The following WSCD1 variants were observed in gnomAD, a reference collection of about 807,000 sequenced individuals.
WSCD1 encodes WSC domain sialate O sulfotransferase 1, also known as sialate:O-sulfotransferase 1.
A neutral mutation model predicts 60.4 loss-of-function variants in WSCD1; 41 were observed. The ratio of observed to expected loss-of-function variants is 0.68; its 90% CI spans 0.53 to 0.88. The LOEUF (loss-of-function observed/expected upper bound fraction) is 0.88. WSCD1 is among the 40% of genes least tolerant of loss of function. The pLI is 0.00. For synonymous variants in WSCD1, 361 were observed against 332.5 expected (o/e 1.09, Z -0.93); for missense variants, 784 against 796.2 (o/e 0.98, Z 0.18).
At chr17:6,076,065 C>G (rs1908842791) in intron 1 of WSCD1, among the ~76,000 whole-genome samples, 1 of 152,168 alleles carries the variant, frequency 6.6e-6, no homozygotes, top group Admixed American at 6.5e-5. Flanking sequence ...ATAAATCTTG[C>G]CTCGTGTGAA....
At chr17:6,116,746 T>G (rs909616089) in intron 7 of WSCD1, among the ~76,000 whole-genome samples, 2 of 152,264 alleles carry the variant, frequency 1.3e-5, no homozygotes. Context: ...AGACTTGCAT[T>G]TTCCAGGCAT....
chr17:6,114,484 A>C (rs893669250), intron 7 of WSCD1, among the ~76,000 whole-genome samples: 2 of 152,166 alleles, frequency 1.3e-5, no homozygotes, highest in African/African-American at 4.8e-5. Context: ...GTTTTCAAGT[A>C]GCCAGAACAG....
At chr17:6,103,130 C>T (rs552519241) in intron 5 of WSCD1, among the ~76,000 whole-genome samples, 1 of 152,302 alleles carries the variant, frequency 6.6e-6, no homozygotes, top group African/African-American at 2.4e-5. Flanking sequence ...TAACACAGAG[C>T]CTTAGTTTTC....
At chr17:6,104,500 C>T (rs796466801) in intron 5 of WSCD1, among the ~76,000 whole-genome samples, 7 of 152,352 alleles carry the variant, frequency 4.6e-5, no homozygotes, top group African/African-American at 1.7e-4. Flanking sequence ...CCACTCCCAG[C>T]ATCTGCCTCT....
chr17:6,080,928 C>A lies in WSCD1; in HGVS notation c.270C>A (p.Ser90Arg). Residue 90 changes from serine (S) to arginine (R), a missense_variant, in exon 2 of 9, where the codon AGC (serine) becomes AGA (arginine). Physicochemically the swap from Ser to Arg is moderately radical, Grantham distance 110 (BLOSUM62 -1). Coordinates refer to ENST00000317744, the MANE Select transcript of WSCD1 (RefSeq NM_015253.2). The surrounding 1 kb of genome is among the most constrained non-coding windows in gnomAD (Gnocchi z 6.6). ...TGCTGGGTGTGGACATGCTGCAGAG[C>A]CCCCTGACCCGGCCCCGGCCCGGCC... ...ELLLGVDMLQ[S>R]PLTRPRPGPR... The A allele has an allele frequency of 6.3e-7, 1 of 1,585,604 alleles. No homozygotes were observed. The highest frequency in any genetic ancestry group is 1.1e-5 in the South Asian group (1 of 87,836).
chr17:6,100,609 G>A (rs1333989483), intron 5 of WSCD1, among the ~76,000 whole-genome samples: 1 of 152,202 alleles, frequency 6.6e-6, no homozygotes, highest in Non-Finnish European at 1.5e-5. Context: ...CTCTAGAGCA[G>A]GGGTTCACAG....
chr17:6,087,996 AC>A lies in WSCD1; in HGVS notation c.435del (p.Tyr145Ter), dbSNP rs760851073. On this transcript the variant is annotated frameshift_variant, in exon 3 of 9. Transcript: ENST00000317744. LOFTEE classifies it high-confidence loss of function. ...CATGCTTCCCTTTCTGCAGGCACCT[AC>A]ATTGGATGCTTCAGTGACGATGGCC... ...ARPAIHSRGTYIGCFSDDGHE... is the reference protein window; with the variant it reads ...ARPAIHSRGTXIGCFSDDGHE... The A allele has an allele frequency of 6.2e-7, 1 of 1,613,536 alleles. No homozygotes were observed. Among genetic ancestry groups the A allele is most frequent in the South Asian group, 1.1e-5 (1 of 91,074 alleles).
At chr17:6,084,249 G>A (rs1384111334) in intron 2 of WSCD1, among the ~76,000 whole-genome samples, 1 of 152,242 alleles carries the variant, frequency 6.6e-6, no homozygotes, top group Admixed American at 6.5e-5. Flanking sequence ...GGAAGAATTT[G>A]CTCTCCTTTG....
At chr17:6,095,778 A>G (rs1910384908) in intron 5 of WSCD1, among the ~76,000 whole-genome samples, 1 of 152,178 alleles carries the variant, frequency 6.6e-6, no homozygotes, top group Non-Finnish European at 1.5e-5. Flanking sequence ...GTGGCTTGCA[A>G]AAAGCAGGGC....
intron 1 of WSCD1, among the ~76,000 whole-genome samples, chr17:6,076,494 C>T (rs891034620): frequency 2.0e-5 from 3 of 152,162 alleles, no homozygotes; most frequent in Non-Finnish European, 2.9e-5. Context: ...ACTACAGGCC[C>T]GTCCTCCGGC....
chr17:6,082,871 G>A (rs140522196), intron 2 of WSCD1, among the ~76,000 whole-genome samples: 25 of 152,282 alleles, frequency 1.6e-4, no homozygotes, highest in South Asian at 4.1e-4. Context: ...GGAAGAGAAC[G>A]GAGCCCAAGC....
intron 1 of WSCD1, among the ~76,000 whole-genome samples, chr17:6,073,792 A>T (rs1442267184): frequency 6.6e-6 from 1 of 152,262 alleles, no homozygotes; most frequent in African/African-American, 2.4e-5. Context: ...AGCCTCCAGC[A>T]TGGTGCTTGG....
chr17:6,117,011 A>G (rs923217332), intron 7 of WSCD1, among the ~76,000 whole-genome samples: 3 of 152,220 alleles, frequency 2.0e-5, no homozygotes, highest in African/African-American at 7.2e-5. Flanking sequence ...ATAAGCCCCT[A>G]TAGCCTGCAC....
chr17:6,077,510 C>T (rs1908944053), intron 1 of WSCD1, among the ~76,000 whole-genome samples: 1 of 152,186 alleles, frequency 6.6e-6, no homozygotes, highest in South Asian at 2.1e-4. Flanking sequence ...ATCTGGCCTG[C>T]ACGTGGCTGT....
chr17:6,095,268 G>A (rs747836606), intron 5 of WSCD1, 45 bp downstream of exon 5: 1 of 1,584,548 alleles, frequency 6.3e-7, no homozygotes, highest in Non-Finnish European at 8.6e-7. Flanking sequence ...TTAAGTGTGT[G>A]TGGTGGTCCT....
At chr17:6,116,533 A>G (rs1350652323) in intron 7 of WSCD1, among the ~76,000 whole-genome samples, 1 of 152,236 alleles carries the variant, frequency 6.6e-6, no homozygotes, top group Non-Finnish European at 1.5e-5. Flanking sequence ...CGGAGGCAGT[A>G]TGGAAGGCAC....
intron 7 of WSCD1, among the ~76,000 whole-genome samples, chr17:6,117,082 G>T (rs1372383873): frequency 6.6e-6 from 1 of 152,146 alleles, no homozygotes; most frequent in African/African-American, 2.4e-5. Context: ...TTAACCCTCT[G>T]TCCCCAAAAT....
In WSCD1 at chr17:6,070,443, C is replaced by G. The variant is rs992363212; in HGVS notation, c.-498C>G. The G allele has an allele frequency of 1.4e-5, 2 of 147,198 alleles. No individual in the cohort carries two copies. The highest frequency in any genetic ancestry group is 4.9e-5 in the African/African-American group (2 of 40,862). 9.1% of individuals were successfully genotyped at this position (147,198 alleles called of 1,614,324 possible). On this transcript the variant is annotated 5_prime_UTR_variant, in exon 1 of 9. Coordinates refer to ENST00000317744, the MANE Select transcript of WSCD1 (RefSeq NM_015253.2). The stretch of plus-strand genomic sequence containing the variant: ...CGGCTCCGCGCCCGCCCGCCCGCCC[C>G]GCCGTTCAGCCCGGACGCCAGCAGC...
intron 5 of WSCD1, among the ~76,000 whole-genome samples, chr17:6,102,330 G>T (rs1322951266): frequency 1.3e-5 from 2 of 152,206 alleles, no homozygotes; most frequent in Non-Finnish European, 2.9e-5. Context: ...TCTCCATGGG[G>T]CACCCAAGTT....
Sources: gnomAD v4.1 joint callset for allele counts (sites outside exome capture counted in the v4.1 genomes callset) on GRCh38, gnomAD v4.1.1 for gene constraint, Gnocchi (gnomAD v3.1) non-coding constraint, MANE v1.5 for transcripts, NCBI Gene and HGNC (gene_info 2026-07-23, HGNC 2026-07-21) for gene names.